USP49: variants seen among roughly 807,000 people sequenced by gnomAD.
USP49 encodes the protein ubiquitin specific peptidase 49.
A neutral mutation model predicts 58.6 loss-of-function variants in USP49; 24 were observed. That is an observed-to-expected ratio of 0.41 (90% CI 0.30 to 0.58). The LOEUF is 0.58. USP49 is among the 20% of genes least tolerant of loss of function. USP49 has a pLI of 0.30. For missense variants in USP49, 703 were observed against 866.1 expected, an observed-to-expected ratio of 0.81 and a Z score of 2.36; for synonymous variants, 408 against 365.1, an observed-to-expected ratio of 1.12 and a Z score of -1.34.
At chr6:41,801,890 C>T (rs1176418943) in intron 5 of USP49, among the ~76,000 whole-genome samples, 2 of 152,188 alleles carry the variant, frequency 1.3e-5, no homozygotes, top group Non-Finnish European at 2.9e-5. Flanking sequence ...GCATATCTGA[C>T]AACCAAAGAA....
At chr6:41,807,067 A>G in intron 3 of USP49, 56 bp from the exon 4 acceptor site, 3 of 1,266,930 alleles carry the variant, frequency 2.4e-6, no homozygotes, top group Non-Finnish European at 3.0e-6. Context: ...TTTTAGAAAA[A>G]TATTTTCCTT....
intron 3 of USP49, among the ~76,000 whole-genome samples, chr6:41,841,370 C>T (rs1461649374): frequency 3.3e-5 from 5 of 152,144 alleles, no homozygotes; most frequent in Admixed American, 1.3e-4. Context: ...ATTCTTTCTT[C>T]GATTCTAGGT....
At chr6:41,877,650 C>T (rs1308211806) in intron 2 of USP49, among the ~76,000 whole-genome samples, 1 of 151,494 alleles carries the variant, frequency 6.6e-6, no homozygotes, top group Non-Finnish European at 1.5e-5. Context: ...GCAACCTCTG[C>T]CTCCCAGGTA....
At chr6:41,887,046 A>G (rs1774724380) in intron 2 of USP49, among the ~76,000 whole-genome samples, 1 of 152,260 alleles carries the variant, frequency 6.6e-6, no homozygotes, top group African/African-American at 2.4e-5. Flanking sequence ...GGTCCATCCA[A>G]GTGAGCATAT....
intron 3 of USP49, among the ~76,000 whole-genome samples, chr6:41,810,166 TAAAAATAA>T (rs1332261381): frequency 6.7e-6 from 1 of 148,572 alleles, no homozygotes; most frequent in Non-Finnish European, 1.5e-5. Context: ...AATAAATAAA[TAAAAATAA>T]AAAAATAAAG....
intron 1 of USP49, among the ~76,000 whole-genome samples, chr6:41,893,735 A>G (rs1314901933): frequency 1.3e-5 from 2 of 152,236 alleles, no homozygotes; most frequent in Non-Finnish European, 2.9e-5. Flanking sequence ...AAGTCAAATC[A>G]AAAGCAATGA....
At position 41,806,047 on chromosome 6, in the gene USP49, T is replaced by C; in HGVS notation, c.937A>G (p.Thr313Ala). 6.2e-7 allele frequency: 1 copy of C among 1,614,032 alleles called. No individual in the cohort carries two copies. Among genetic ancestry groups the C allele is most frequent in the Non-Finnish European group, 8.5e-7 (1 of 1,180,034 alleles). ...LSGKPTNSSA[T>A]ELSLRNDRAE... ...CTGTCATTTCTCAAGGACAGCTCCG[T>C]GGCCGAGCTGTTGGTTGGCTTGCCA... is the stretch of plus-strand genomic sequence containing the variant. Residue 313 changes from threonine (T) to alanine (A), a missense_variant, in exon 4 of 8, where the codon ACG becomes GCG. By Grantham distance (58) the Thr-to-Ala change is moderately conservative. Around this residue, in one of 6 missense-constraint regions of USP49, gnomAD observed 97 missense variants for 88.0 expected, o/e 1.10. Coordinates refer to ENST00000682992, the MANE Select transcript of USP49 (RefSeq NM_001286554.2). The surrounding 1 kb of genome is among the most constrained non-coding windows in gnomAD (Gnocchi z 5.9).
intron 3 of USP49, among the ~76,000 whole-genome samples, chr6:41,844,554 C>A (rs1174584842): frequency 6.6e-6 from 1 of 152,058 alleles, no homozygotes; most frequent in African/African-American, 2.4e-5. Flanking sequence ...ACCTCATGAT[C>A]CGCCTGTCTT....
chr6:41,862,735 C>A (rs1774244556), intron 3 of USP49, among the ~76,000 whole-genome samples: 1 of 152,186 alleles, frequency 6.6e-6, no homozygotes, highest in Non-Finnish European at 1.5e-5. Context: ...ATGTTCATAT[C>A]TTTAACAAAC....
At chr6:41,834,195 T>G (rs190361044) in intron 3 of USP49, among the ~76,000 whole-genome samples, 2 of 152,170 alleles carry the variant, frequency 1.3e-5, no homozygotes, top group Non-Finnish European at 2.9e-5. Context: ...GATTCTCTAG[T>G]TAATAACTAC....
intron 3 of USP49, among the ~76,000 whole-genome samples, chr6:41,818,047 G>A (rs1007703459): frequency 2.6e-5 from 4 of 152,154 alleles, no homozygotes; most frequent in African/African-American, 9.7e-5. Context: ...TTTGGTAGCA[G>A]TGATAATCCT....
chr6:41,866,694 T>C (rs1774325121), intron 3 of USP49, among the ~76,000 whole-genome samples: 1 of 152,192 alleles, frequency 6.6e-6, no homozygotes, highest in Admixed American at 6.5e-5. Flanking sequence ...TTCTAAAGTC[T>C]GGATTAAGGA....
At chr6:41,866,949 TCAAA>T (rs1774328919) in intron 3 of USP49, among the ~76,000 whole-genome samples, 1 of 152,004 alleles carries the variant, frequency 6.6e-6, no homozygotes, top group South Asian at 2.1e-4. Flanking sequence ...GAAGAGATTC[TCAAA>T]CAAGGGAAAG....
At chr6:41,822,074 G>GT (rs1693746349) in intron 3 of USP49, among the ~76,000 whole-genome samples, 1 of 152,172 alleles carries the variant, frequency 6.6e-6, no homozygotes, top group Non-Finnish European at 1.5e-5. Context: ...AATCCATAAT[G>GT]TATGTATAGT....
At chr6:41,817,727 T>C (rs1304141052) in intron 3 of USP49, among the ~76,000 whole-genome samples, 1 of 152,136 alleles carries the variant, frequency 6.6e-6, no homozygotes, top group Non-Finnish European at 1.5e-5. Context: ...GCAATTCTCC[T>C]GCCTCAGCCT....
intron 3 of USP49, among the ~76,000 whole-genome samples, chr6:41,812,968 CATT>C (rs1773285274): frequency 1.3e-5 from 2 of 152,118 alleles, no homozygotes; most frequent in African/African-American, 2.4e-5. Flanking sequence ...TATTATTACA[CATT>C]ATTATTGATA....
At chr6:41,861,493 A>G (rs982000243) in intron 3 of USP49, among the ~76,000 whole-genome samples, 6 of 152,164 alleles carry the variant, frequency 3.9e-5, no homozygotes, top group Non-Finnish European at 5.9e-5. Flanking sequence ...TTAAAATTCT[A>G]TAAGTATTCT....
intron 5 of USP49, among the ~76,000 whole-genome samples, chr6:41,800,997 T>G (rs368012056): frequency 3.1e-4 from 47 of 152,356 alleles, no homozygotes; most frequent in African/African-American, 1.1e-3. Context: ...TTTCTAACTG[T>G]GGGGGAAATG....
intron 3 of USP49, among the ~76,000 whole-genome samples, chr6:41,863,066 C>T (rs1200571670): frequency 2.0e-5 from 3 of 152,076 alleles, no homozygotes; most frequent in Admixed American, 6.6e-5. Context: ...TGTGAGCCAC[C>T]GCACCTGGCC....
Sources: gnomAD v4.1 joint callset for allele counts (sites outside exome capture counted in the v4.1 genomes callset) on GRCh38, gnomAD v4.1.1 for gene constraint, gnomAD v4.1.1 regional missense constraint, Gnocchi (gnomAD v3.1) non-coding constraint, MANE v1.5 for transcripts, NCBI Gene and HGNC (gene_info 2026-07-23, HGNC 2026-07-21) for gene names.